The following ZFYVE28 variants were observed in gnomAD, a reference collection of about 807,000 sequenced individuals.
ZFYVE28 encodes lateral signaling target protein 2 homolog.
A neutral mutation model predicts 82.1 loss-of-function variants in ZFYVE28; 40 were observed. The ratio of observed to expected loss-of-function variants is 0.49; its 90% CI spans 0.38 to 0.63. The LOEUF is 0.63. Among genes scored for constraint, ZFYVE28 ranks in the 30% least tolerant of loss-of-function variants. The pLI, the probability that ZFYVE28 is intolerant of heterozygous loss-of-function variation, is 0.00. For synonymous variants in ZFYVE28, 612 were observed against 546.1 expected, an observed-to-expected ratio of 1.12 and a Z score of -1.68; for missense variants, 1,321 against 1,242.1, an observed-to-expected ratio of 1.06 and a Z score of -0.96.
chr4:2,302,812 C>T (rs1292274887), intron 8 of ZFYVE28, among the ~76,000 whole-genome samples: 2 of 152,270 alleles, frequency 1.3e-5, no homozygotes, highest in African/African-American at 4.8e-5. Context: ...TGTGCCTCTA[C>T]ATGGTGGCCC....
chr4:2,374,965 G>A (rs956376624), intron 1 of ZFYVE28, among the ~76,000 whole-genome samples: 5 of 152,250 alleles, frequency 3.3e-5, no homozygotes, highest in Non-Finnish European at 5.9e-5. Flanking sequence ...ACAGAGCCCA[G>A]TCCTCCTGTG....
At chr4:2,360,407 AC>A (rs1234952518) in intron 1 of ZFYVE28, among the ~76,000 whole-genome samples, 3 of 151,396 alleles carry the variant, frequency 2.0e-5, no homozygotes, top group Non-Finnish European at 4.4e-5. Flanking sequence ...ACACACACAC[AC>A]ACACACACAC....
intron 1 of ZFYVE28, among the ~76,000 whole-genome samples, chr4:2,358,343 A>G (rs545618855): frequency 6.6e-6 from 1 of 152,368 alleles, no homozygotes; most frequent in Non-Finnish European, 1.5e-5. Flanking sequence ...ATGAGCTCCC[A>G]CAGGGGTGAC....
chr4:2,400,458 T>C (rs1731054729), intron 1 of ZFYVE28, among the ~76,000 whole-genome samples: 1 of 151,852 alleles, frequency 6.6e-6, no homozygotes, highest in African/African-American at 2.4e-5. Context: ...GTAGCCCAGG[T>C]CCCGAGCCAC....
rs1006441253 is a variant in ZFYVE28 at position 2,416,066 on chromosome 4, A to C, written c.39+2219T>G. ...TTCCATCCCTTCTCCGGAGGCACAC[A>C]GCTCTGGGCTGATCCCTGGGATCAG... On this transcript the variant is annotated intron_variant, in intron 1 of 12. Coordinates refer to ENST00000290974, the MANE Select transcript of ZFYVE28 (RefSeq NM_020972.3). This position sits in a 1 kb window ranked among gnomAD's most constrained non-coding sequence, Gnocchi z 4.6. Among the ~76,000 whole-genome samples the C allele has an allele frequency of 3.9e-5, 6 of 152,194 alleles. No homozygotes were observed. Among genetic ancestry groups the C allele is most frequent in the African/African-American group, 1.4e-4 (6 of 41,454 alleles).
chr4:2,328,791 GTCCAACTTTGTTCTTTTTTTTTTTTTTT>G lies in ZFYVE28; in HGVS notation c.701+6886_701+6913del, dbSNP rs906810718. ...GACACATGAAGTTAACCATCGCAGG[GTCCAACTTTGTTCTTTTTTTTTTTTTTT>G]TCCAACTTTGTTCTTTTGCATGTGG... On this transcript the variant is annotated intron_variant, in intron 6 of 12. Coordinates refer to ENST00000290974, the MANE Select transcript of ZFYVE28 (RefSeq NM_020972.3). 8.9e-5 allele frequency: 23 copies of G among 258,184 alleles called. No individual in the cohort carries two copies. The East Asian group carries it at 1.1e-3, about 13-fold the overall frequency. The allele number at this position is 258,184 out of a possible 1,614,324, so 16.0% of individuals were successfully genotyped here.
rs1348693502 is a variant in ZFYVE28, at chr4:2,417,725, G to A, written c.39+560C>T. ...GGATCCTCTCTGGACATGGAAGGAC[G>A]GGTCTGCCCTGGACCCAGGGATTGG... On this transcript the variant is annotated intron_variant, in intron 1 of 12. Coordinates refer to ENST00000290974, the MANE Select transcript of ZFYVE28 (RefSeq NM_020972.3). This position sits in a 1 kb window ranked among gnomAD's most constrained non-coding sequence, Gnocchi z 4.8. Among the ~76,000 whole-genome samples the A allele has an allele frequency of 6.6e-6, 1 of 152,028 alleles. No homozygotes were observed. The highest frequency in any genetic ancestry group is 1.9e-4 in the East Asian group (1 of 5,158).
Position 2,339,864 on chromosome 4 carries a change from G to A in ZFYVE28, c.319-209C>T, listed in dbSNP as rs1404645593. ...ACCGATGTCCCCCAATGTGACCCACGGGGTCCTCACAGGGCCCCAGGAGCA... is the reference window on the plus strand; with the variant it reads ...ACCGATGTCCCCCAATGTGACCCACAGGGTCCTCACAGGGCCCCAGGAGCA... On this transcript the variant is annotated intron_variant, in intron 3 of 12. Coordinates refer to ENST00000290974, the MANE Select transcript of ZFYVE28 (RefSeq NM_020972.3). This position sits in a 1 kb window ranked among gnomAD's most constrained non-coding sequence, Gnocchi z 5.0. Among the ~76,000 whole-genome samples, 6 of 151,750 alleles carry A rather than the reference G, an allele frequency of 4.0e-5. No homozygotes were observed. The highest frequency in any genetic ancestry group is 7.3e-5 in the African/African-American group (3 of 41,296).
intron 1 of ZFYVE28, among the ~76,000 whole-genome samples, chr4:2,386,078 G>A (rs565552797): frequency 5.5e-4 from 83 of 152,246 alleles, no homozygotes; most frequent in African/African-American, 2.0e-3. Flanking sequence ...TCCCTTCCCT[G>A]CTGGTGTTCA....
intron 1 of ZFYVE28, among the ~76,000 whole-genome samples, chr4:2,396,137 G>GGGAAGCCGCA (rs1374646510): frequency 3.8e-3 from 271 of 72,174 alleles, no homozygotes; most frequent in Admixed American, 5.1e-3. Context: ...CGGGGTGTCT[G>GGGAAGCCGCA]AGCTGATGGG....
intron 7 of ZFYVE28, among the ~76,000 whole-genome samples, chr4:2,308,684 A>AAAAGAC (rs1717035620): frequency 7.7e-5 from 1 of 13,034 alleles, no homozygotes. Context: ...AAAGAGAAAG[A>AAAAGAC]AAGAAAAGAA....
intron 12 of ZFYVE28, 124 bp from the exon 13 acceptor site, chr4:2,270,980 C>T: frequency 7.1e-7 from 1 of 1,410,714 alleles, no homozygotes; most frequent in Admixed American, 2.1e-5. Flanking sequence ...CTGCCCAGCC[C>T]CAGCTGCCAG....
intron 8 of ZFYVE28, among the ~76,000 whole-genome samples, chr4:2,302,246 G>A (rs978438217): frequency 2.6e-5 from 4 of 152,314 alleles, no homozygotes; most frequent in African/African-American, 9.6e-5. Context: ...TCCCTTTGGG[G>A]GCAGGGGAGA....
chr4:2,297,010 C>T (rs929316176), intron 8 of ZFYVE28, among the ~76,000 whole-genome samples: 1 of 152,264 alleles, frequency 6.6e-6, no homozygotes, highest in African/African-American at 2.4e-5. Context: ...GAGGCCACAG[C>T]ACCGCATGGC....
In ZFYVE28 at chr4:2,339,591, G is replaced by C. The variant is rs780801059; in HGVS notation, c.383C>G (p.Ala128Gly). The C allele has an allele frequency of 6.2e-7, 1 of 1,611,890 alleles. No homozygotes were observed. The highest frequency in any genetic ancestry group is 8.5e-7 in the Non-Finnish European group (1 of 1,179,394). Residue 128 changes from alanine (A) to glycine (G), a missense_variant, in exon 4 of 13, where the codon GCC becomes GGC. Physicochemically the swap from Ala to Gly is moderately conservative, Grantham distance 60 (BLOSUM62 0). Transcript: ENST00000290974. The surrounding 1 kb of genome is among the most constrained non-coding windows in gnomAD (Gnocchi z 5.0). ...CTCCAGGCTGCGCGTCAGCTCCTTG[G>C]CCAGCGGGCGCATGGCCATGCTCTC... ...ELESMAMRPLAKELTRSLEDV... is the reference protein window; with the variant it reads ...ELESMAMRPLGKELTRSLEDV...
intron 1 of ZFYVE28, among the ~76,000 whole-genome samples, chr4:2,380,126 C>G (rs1179037191): frequency 3.3e-5 from 5 of 152,202 alleles, no homozygotes; most frequent in African/African-American, 1.2e-4. Flanking sequence ...ATCGATCAAA[C>G]AACATAAACA....
rs780571349 is a variant in ZFYVE28 at position 2,271,635 on chromosome 4, GTGTC to G, written c.2428+36_2428+39del. ...CCTGTGGCTCCCACAGCCCCCACTGGTGTCTAGTGCAGTGTCCTGACCCAGAGCC... is the reference window on the plus strand; with the variant it reads ...CCTGTGGCTCCCACAGCCCCCACTGGTAGTGCAGTGTCCTGACCCAGAGCC... On this transcript the variant is annotated intron_variant, in intron 11 of 12. Coordinates refer to ENST00000290974, the MANE Select transcript of ZFYVE28 (RefSeq NM_020972.3). 84 of 1,591,746 alleles carry G rather than the reference GTGTC, an allele frequency of 5.3e-5. No homozygotes were observed. In the East Asian group the frequency reaches 1.9e-3, roughly 36 times the overall value.
intron 8 of ZFYVE28, among the ~76,000 whole-genome samples, chr4:2,303,572 G>A (rs1715957538): frequency 6.6e-6 from 1 of 152,146 alleles, no homozygotes; most frequent in South Asian, 2.1e-4. Flanking sequence ...CCCTGACAAC[G>A]CAGCCATGAG....
intron 8 of ZFYVE28, among the ~76,000 whole-genome samples, chr4:2,294,689 A>G (rs1714263925): frequency 6.6e-6 from 1 of 152,278 alleles, no homozygotes; most frequent in African/African-American, 2.4e-5. Flanking sequence ...TTTGAAAATC[A>G]CATAACAGAA....
Sources: gnomAD v4.1 joint callset for allele counts (sites outside exome capture counted in the v4.1 genomes callset) on GRCh38, gnomAD v4.1.1 for gene constraint, Gnocchi (gnomAD v3.1) non-coding constraint, MANE v1.5 for transcripts, NCBI Gene and HGNC (gene_info 2026-07-23, HGNC 2026-07-21) for gene names.